FAM135A: variants seen among roughly 807,000 people sequenced by gnomAD.
FAM135A encodes the protein protein FAM135A.
A neutral mutation model predicts 146.8 loss-of-function variants in FAM135A; 79 were observed. The ratio of observed to expected loss-of-function variants is 0.54; its 90% confidence interval spans 0.45 to 0.65. The LOEUF is 0.65. Ranked by LOEUF, FAM135A falls within the 30% of genes least tolerant of loss-of-function variation. The probability of loss-of-function intolerance (pLI) is 0.00; values close to 1 mark genes in which losing one functional copy is unlikely to be tolerated. For synonymous variants in FAM135A, 562 were observed against 603.6 expected (o/e 0.93, Z 1.01); for missense variants, 1,623 against 1,758.2 (o/e 0.92, Z 1.38).
At chr6:70,439,662 T>G (rs1774005801) in intron 4 of FAM135A, among the ~76,000 whole-genome samples, 1 of 152,210 alleles carries the variant, frequency 6.6e-6, no homozygotes, top group Non-Finnish European at 1.5e-5. Flanking sequence ...CTATGTCCGC[T>G]CTTCATTTGC....
chr6:70,446,775 C>G (rs895361442), intron 4 of FAM135A, among the ~76,000 whole-genome samples: 2 of 152,138 alleles, frequency 1.3e-5, no homozygotes, highest in African/African-American at 4.8e-5. Context: ...GATCACCGCT[C>G]TCATAACTAC....
At chr6:70,467,604 C>G (rs1780711583) in intron 5 of FAM135A, among the ~76,000 whole-genome samples, 1 of 152,030 alleles carries the variant, frequency 6.6e-6, no homozygotes, top group African/African-American at 2.4e-5. Flanking sequence ...CTTCTTGGCT[C>G]TACTATGATA....
intron 6 of FAM135A, 43 bp from the exon 7 acceptor site, chr6:70,475,620 T>C (rs376772133): frequency 6.3e-6 from 10 of 1,589,084 alleles, no homozygotes; most frequent in African/African-American, 1.4e-5. Flanking sequence ...TCTAACTTTC[T>C]ATAAAATTTC....
chr6:70,425,906 A>C (rs1039193182), intron 2 of FAM135A, among the ~76,000 whole-genome samples: 12 of 152,010 alleles, frequency 7.9e-5, no homozygotes, highest in African/African-American at 2.9e-4. Flanking sequence ...GATCGAGACC[A>C]TCCTGGCTAA....
At chr6:70,415,070 T>C (rs1032144531) in intron 1 of FAM135A, among the ~76,000 whole-genome samples, 6 of 152,216 alleles carry the variant, frequency 3.9e-5, no homozygotes, top group African/African-American at 1.2e-4. Context: ...TCTGCTACCT[T>C]TAGAATTAGT....
At chr6:70,471,377 A>G (rs769912780) in intron 5 of FAM135A, among the ~76,000 whole-genome samples, 9 of 152,230 alleles carry the variant, frequency 5.9e-5, no homozygotes, top group Non-Finnish European at 8.8e-5. Flanking sequence ...AATGTGGTCA[A>G]AGGATTATTG....
At chr6:70,445,475 G>A (rs1775498469) in intron 4 of FAM135A, among the ~76,000 whole-genome samples, 1 of 152,170 alleles carries the variant, frequency 6.6e-6, no homozygotes, top group African/African-American at 2.4e-5. Context: ...AGAGCTGAGT[G>A]CCCTGAACAA....
At chr6:70,553,705 C>T (rs1275418500) in intron 20 of FAM135A, among the ~76,000 whole-genome samples, 1 of 147,506 alleles carries the variant, frequency 6.8e-6, no homozygotes, top group Non-Finnish European at 1.5e-5. Context: ...TAAAAAGAAG[C>T]AGATATAAAT....
chr6:70,431,638 G>A (rs2127803594), intron 4 of FAM135A, among the ~76,000 whole-genome samples: 1 of 152,304 alleles, frequency 6.6e-6, no homozygotes, highest in Middle Eastern at 3.4e-3. Flanking sequence ...ACTGTAAGAG[G>A]TCTGAATATA....
chr6:70,432,487 TTCTG>T (rs1381803178), intron 4 of FAM135A, among the ~76,000 whole-genome samples: 17 of 150,800 alleles, frequency 1.1e-4, no homozygotes, highest in African/African-American at 3.4e-4. Flanking sequence ...CTTTGCAACT[TTCTG>T]TCTTTCTTGA....
intron 12 of FAM135A, chr6:70,502,992 A>G: frequency 4.6e-6 from 2 of 438,990 alleles, no homozygotes; most frequent in Middle Eastern, 1.3e-3. Context: ...TTCAATCACA[A>G]TCCCTGCTGC....
rs1801711692 is a variant in FAM135A, at chr6:70,560,455, GTAGTTCATA to G, written c.*537_*545del. ...CAACTTTATCATACAATCAAACCAG[GTAGTTCATA>G]TAAAACAGTGTAATACAAGTTTTCT... On this transcript the variant is annotated 3_prime_UTR_variant, in exon 22 of 22. Transcript: ENST00000418814. 1 of 152,780 alleles carries G rather than the reference GTAGTTCATA, an allele frequency of 6.5e-6. No individual in the cohort carries two copies. Among genetic ancestry groups the G allele is most frequent in the Admixed American group, 6.5e-5 (1 of 15,286 alleles). 9.5% of individuals were successfully genotyped at this position (152,780 alleles called of 1,614,324 possible).
chr6:70,491,741 T>C (rs1029488124), intron 11 of FAM135A, among the ~76,000 whole-genome samples: 6 of 151,888 alleles, frequency 4.0e-5, no homozygotes, highest in African/African-American at 1.4e-4. Flanking sequence ...TTGTATACTG[T>C]CCTAGAGGTT....
At chr6:70,557,948 C>G (rs1422803345) in intron 21 of FAM135A, among the ~76,000 whole-genome samples, 4 of 152,108 alleles carry the variant, frequency 2.6e-5, no homozygotes, top group African/African-American at 9.7e-5. Context: ...AACTTCTGTT[C>G]TAGCAAAGGC....
Position 70,526,744 on chromosome 6 carries a change from TATATATACACACACACACAC to T in FAM135A, c.3614+50_3614+69del, listed in dbSNP as rs767532639. On this transcript the variant is annotated intron_variant, in intron 15 of 21. Coordinates refer to ENST00000418814, the MANE Select transcript of FAM135A (RefSeq NM_001162529.3). Reference sequence around the variant, plus strand: ...GTACCTGCTGCTAAATATATACATATATATATACACACACACACACATACACACACACACACACACACACA... The same window carrying T: ...GTACCTGCTGCTAAATATATACATATATACACACACACACACACACACACA... 1,676 of 1,131,060 alleles carry T rather than the reference TATATATACACACACACACAC, an allele frequency of 1.5e-3. 9 individuals are homozygous for T. Among genetic ancestry groups the T allele is most frequent in the Non-Finnish European group, 1.8e-3 (1,448 of 806,280 alleles). 70.1% of individuals were successfully genotyped at this position (1,131,060 alleles called of 1,614,324 possible).
intron 12 of FAM135A, among the ~76,000 whole-genome samples, chr6:70,511,180 G>A (rs1160138295): frequency 1.3e-5 from 2 of 151,782 alleles, no homozygotes; most frequent in African/African-American, 4.8e-5. Context: ...TGGTAACTAG[G>A]CCCTTATCTG....
intron 10 of FAM135A, among the ~76,000 whole-genome samples, chr6:70,489,948 C>T (rs992933566): frequency 3.9e-5 from 6 of 152,068 alleles, no homozygotes; most frequent in Admixed American, 6.6e-5. Flanking sequence ...TGTCAGTGGG[C>T]GACATCTCCA....
intron 20 of FAM135A, among the ~76,000 whole-genome samples, chr6:70,546,807 G>C (rs894932723): frequency 6.6e-6 from 1 of 152,106 alleles, no homozygotes; most frequent in Admixed American, 6.6e-5. Flanking sequence ...TCTACAGATT[G>C]CTAACAGAAT....
chr6:70,473,427 T>G (rs1218539125), intron 5 of FAM135A, among the ~76,000 whole-genome samples: 1 of 138,828 alleles, frequency 7.2e-6, no homozygotes, highest in African/African-American at 3.1e-5. Context: ...TTACATGTCT[T>G]TATCTAAATA....
Sources: allele counts gnomAD v4.1 joint callset (sites outside exome capture counted in the v4.1 genomes callset), GRCh38; gene constraint gnomAD v4.1.1; transcripts MANE v1.5; gene names NCBI Gene and HGNC (gene_info 2026-07-23, HGNC 2026-07-21).